The following STMP1 variants were observed in gnomAD, a reference collection of about 807,000 sequenced individuals.
The protein encoded by STMP1 is short transmembrane mitochondrial protein 1.
STMP1 carries 7 observed loss-of-function variants against 7.0 expected under a neutral mutation model. That is an observed-to-expected ratio of 1.01 (90% CI 0.57 to 1.89). STMP1 has a LOEUF of 1.89. Among genes scored for constraint, STMP1 ranks in the 40% most tolerant of loss-of-function variants. The pLI is 0.00. For missense variants in STMP1, 45 were observed against 53.0 expected, an observed-to-expected ratio of 0.85 and a Z score of 0.47; for synonymous variants, 19 against 18.4, an observed-to-expected ratio of 1.03 and a Z score of -0.08.
At chr7:135,669,734 G>A (rs1189310995) in intron 1 of STMP1, among the ~76,000 whole-genome samples, 2 of 152,202 alleles carry the variant, frequency 1.3e-5, no homozygotes, top group Non-Finnish European at 2.9e-5. Context: ...ATTCTCCAGC[G>A]AGGAGGTCTA....
chr7:135,664,344 ATTTTTTTT>A (rs767469164), intron 1 of STMP1, among the ~76,000 whole-genome samples: 20 of 114,986 alleles, frequency 1.7e-4, no homozygotes, highest in East Asian at 7.6e-4. Flanking sequence ...CTGTGTGTTA[ATTTTTTTT>A]TTTTTTTTTT....
chr7:135,674,329 A>C lies in STMP1; in HGVS notation c.*164A>C, dbSNP rs1795387714. ...TTAAAGCAAGCAAAATGGGGCCCCAATTTGAGAACTACCCGACATTTCCAA... is the reference window on the plus strand; with the variant it reads ...TTAAAGCAAGCAAAATGGGGCCCCACTTTGAGAACTACCCGACATTTCCAA... On this transcript the variant is annotated 3_prime_UTR_variant, in exon 3 of 3. Coordinates refer to ENST00000507606, the MANE Select transcript of STMP1 (RefSeq NM_001130929.2). The C allele has an allele frequency of 1.8e-6, 1 of 566,842 alleles. No individual in the cohort carries two copies. The highest frequency in any genetic ancestry group is 3.5e-5 in the Admixed American group (1 of 28,194). 35.1% of individuals were successfully genotyped at this position (566,842 alleles called of 1,614,324 possible).
Position 135,675,558 on chromosome 7 carries a change from A to T in STMP1, c.*1393A>T, listed in dbSNP as rs945212693. The stretch of plus-strand genomic sequence containing the variant: ...AACTTCAATCCTAATGTTATTAAGC[A>T]TATCGATTCAGGGTATAGCTATAAG... On this transcript the variant is annotated 3_prime_UTR_variant, in exon 3 of 3. Coordinates refer to ENST00000507606, the MANE Select transcript of STMP1 (RefSeq NM_001130929.2). The T allele has an allele frequency of 3.3e-5, 5 of 152,218 alleles. No individual in the cohort carries two copies. The highest frequency in any genetic ancestry group is 7.3e-5 in the Non-Finnish European group (5 of 68,040). 9.4% of individuals were successfully genotyped at this position (152,218 alleles called of 1,614,324 possible).
chr7:135,666,968 C>T (rs1584705574), intron 1 of STMP1, among the ~76,000 whole-genome samples: 1 of 151,884 alleles, frequency 6.6e-6, no homozygotes, highest in African/African-American at 2.4e-5. Context: ...GTAGCTGCAC[C>T]GTTTTACATT....
At chr7:135,668,910 A>G (rs1795326274) in intron 1 of STMP1, among the ~76,000 whole-genome samples, 2 of 152,122 alleles carry the variant, frequency 1.3e-5, no homozygotes, top group African/African-American at 4.8e-5. Context: ...CCATTTTCAC[A>G]CTGCTGATAA....
intron 1 of STMP1, 96 bp downstream of exon 1, chr7:135,662,690 G>A: frequency 7.0e-7 from 1 of 1,432,108 alleles, no homozygotes; most frequent in Non-Finnish European, 9.4e-7. Context: ...GACCCGGCCT[G>A]GGCGTGGGTC....
At chr7:135,666,906 T>C (rs1044878905) in intron 1 of STMP1, among the ~76,000 whole-genome samples, 5 of 151,802 alleles carry the variant, frequency 3.3e-5, no homozygotes, top group Admixed American at 6.5e-5. Context: ...TGCTGCATTA[T>C]GTGGTATCTT....
intron 1 of STMP1, 46 bp from the exon 2 acceptor site, chr7:135,672,707 A>G (rs1433138426): frequency 7.1e-6 from 10 of 1,415,404 alleles, no homozygotes; most frequent in African/African-American, 5.7e-5. Context: ...TCAGACTGGC[A>G]CAGGACTCGG....
intron 1 of STMP1, among the ~76,000 whole-genome samples, chr7:135,670,025 T>C (rs1016842655): frequency 6.6e-6 from 1 of 152,194 alleles, no homozygotes; most frequent in Non-Finnish European, 1.5e-5. Context: ...GACTTCTCTT[T>C]TGGGGCTCTT....
chr7:135,668,999 C>G (rs1157446215), intron 1 of STMP1, among the ~76,000 whole-genome samples: 2 of 152,198 alleles, frequency 1.3e-5, no homozygotes, highest in Non-Finnish European at 2.9e-5. Context: ...GGGGAGGCCT[C>G]AATCATGGCA....
At chr7:135,663,642 C>G (rs375479636) in intron 1 of STMP1, among the ~76,000 whole-genome samples, 3 of 151,776 alleles carry the variant, frequency 2.0e-5, no homozygotes, top group East Asian at 3.9e-4. Flanking sequence ...CTGCTCCCGG[C>G]TCAAATGCTG....
chr7:135,675,419 C>T lies in STMP1; in HGVS notation c.*1254C>T, dbSNP rs1365843731. On this transcript the variant is annotated 3_prime_UTR_variant, in exon 3 of 3. Transcript: ENST00000507606. ...TCATTCTATACCAGCATGTAAGTAGCAAGGAACCTCATTCTTTTTTTGGCT... is the reference window on the plus strand; with the variant it reads ...TCATTCTATACCAGCATGTAAGTAGTAAGGAACCTCATTCTTTTTTTGGCT... 1 of 151,702 alleles carries T rather than the reference C, an allele frequency of 6.6e-6. No homozygotes were observed. Among genetic ancestry groups the T allele is most frequent in the African/African-American group, 2.4e-5 (1 of 41,238 alleles). The allele number at this position is 151,702 out of a possible 1,614,324, so 9.4% of individuals were successfully genotyped here.
chr7:135,672,429 A>G (rs1362871215), intron 1 of STMP1, among the ~76,000 whole-genome samples: 3 of 152,224 alleles, frequency 2.0e-5, no homozygotes, highest in Admixed American at 6.5e-5. Flanking sequence ...TCAAGTATTT[A>G]TGTGGGTTGT....
At chr7:135,666,490 A>G (rs1490025728) in intron 1 of STMP1, among the ~76,000 whole-genome samples, 1 of 152,056 alleles carries the variant, frequency 6.6e-6, no homozygotes, top group Non-Finnish European at 1.5e-5. Flanking sequence ...CTGGGATTAC[A>G]GACGTGTGCC....
chr7:135,662,726 T>A, intron 1 of STMP1, 132 bp downstream of exon 1: 1 of 1,069,748 alleles, frequency 9.3e-7, no homozygotes, highest in Non-Finnish European at 1.3e-6. Flanking sequence ...CCCCCGCGCC[T>A]GGTCGTCGCC....
Position 135,662,553 on chromosome 7 carries a change from G to A in STMP1, c.-27G>A, listed in dbSNP as rs964480558. ...CCGCGGAGCTGCTGCAGTCCTTCGCGCCCTCCTCGCCCTCCCCACCGACAT... is the reference window on the plus strand; with the variant it reads ...CCGCGGAGCTGCTGCAGTCCTTCGCACCCTCCTCGCCCTCCCCACCGACAT... On this transcript the variant is annotated 5_prime_UTR_variant, in exon 1 of 3. Transcript: ENST00000507606. 2.6e-6 allele frequency: 4 copies of A among 1,545,340 alleles called. No homozygotes were observed. Among genetic ancestry groups the A allele is most frequent in the Admixed American group, 2.0e-5 (1 of 50,542 alleles).
intron 1 of STMP1, 48 bp downstream of exon 1, chr7:135,662,642 C>A: frequency 6.5e-7 from 1 of 1,539,586 alleles, no homozygotes; most frequent in Non-Finnish European, 8.8e-7. Flanking sequence ...GGGCGTGCCT[C>A]GGACCCCATT....
chr7:135,674,011 A>G (rs969257592), intron 2 of STMP1, 80 bp from the exon 3 acceptor site: 4 of 881,402 alleles, frequency 4.5e-6, no homozygotes, highest in African/African-American at 1.7e-5. Flanking sequence ...TTGTAAAACC[A>G]TTTATCTTTG....
At chr7:135,668,348 T>C (rs1249495334) in intron 1 of STMP1, among the ~76,000 whole-genome samples, 1 of 152,194 alleles carries the variant, frequency 6.6e-6, no homozygotes, top group African/African-American at 2.4e-5. Context: ...GGGAGAGTGC[T>C]TCTCAGGCAG....
Sources: allele counts gnomAD v4.1 joint callset (sites outside exome capture counted in the v4.1 genomes callset), GRCh38; gene constraint gnomAD v4.1.1; transcripts MANE v1.5; gene names NCBI Gene and HGNC (gene_info 2026-07-23, HGNC 2026-07-21).